The following NRIP3 variants were observed in gnomAD, a reference collection of about 807,000 sequenced individuals.
The protein encoded by NRIP3 is nuclear receptor-interacting protein 3.
Under a neutral mutation model 29.0 loss-of-function variants are expected in NRIP3, and 31 were observed. The observed-to-expected ratio is 1.07, with a 90% CI of 0.80 to 1.44. The LOEUF (loss-of-function observed/expected upper bound fraction) is 1.44. NRIP3 is among the 40% of genes most tolerant of loss of function. The probability of loss-of-function intolerance (pLI) is 0.00; values close to 1 mark genes in which losing one functional copy is unlikely to be tolerated. For synonymous variants in NRIP3, 131 were observed against 118.3 expected (o/e 1.11, Z -0.70); for missense variants, 314 against 297.9 (o/e 1.05, Z -0.40).
chr11:8,987,787 G>C (rs1854541002), intron 2 of NRIP3, among the ~76,000 whole-genome samples, 157 bp from the exon 3 acceptor site: 1 of 152,164 alleles, frequency 6.6e-6, no homozygotes, highest in Non-Finnish European at 1.5e-5. Context: ...TGCTAAGTCT[G>C]CCTTTGACTG....
rs1854498816 is a variant in NRIP3 at position 8,985,263 on chromosome 11, A to G, written c.562+448T>C. On this transcript the variant is annotated intron_variant, in intron 4 of 6. Coordinates refer to ENST00000309166, the MANE Select transcript of NRIP3 (RefSeq NM_020645.3). Reference sequence around the variant, plus strand: ...CAGCTCACTGCAAGCTCCGCCTCCCAGGTTCACGCCATTCTCCTGCCTTAG... The same window carrying G: ...CAGCTCACTGCAAGCTCCGCCTCCCGGGTTCACGCCATTCTCCTGCCTTAG... Among the ~76,000 whole-genome samples, 3 of 141,640 alleles carry G rather than the reference A, an allele frequency of 2.1e-5. No homozygotes were observed. In the Admixed American group the frequency reaches 2.3e-4, roughly 11 times the overall value. 92.9% of individuals were successfully genotyped at this position (141,640 alleles called of 152,430 possible).
chr11:8,983,211 G>A lies in NRIP3; in HGVS notation c.*334C>T. The stretch of plus-strand genomic sequence containing the variant: ...GAAAAGAAGCACATATATCTATGGA[G>A]ACACAGAACCTGGCAGCCCCTATAC... On this transcript the variant is annotated 3_prime_UTR_variant, in exon 7 of 7. Coordinates refer to ENST00000309166, the MANE Select transcript of NRIP3 (RefSeq NM_020645.3). The A allele has an allele frequency of 2.2e-6, 1 of 447,388 alleles. No homozygotes were observed. The highest frequency in any genetic ancestry group is 4.0e-6 in the Non-Finnish European group (1 of 247,214). The allele number at this position is 447,388 out of a possible 1,614,324, so 27.7% of individuals were successfully genotyped here. A position where few individuals can be genotyped will look rare whatever the true frequency, so the allele number is the denominator to read the frequency against.
rs143061095 is a variant in NRIP3 at position 8,984,272 on chromosome 11, T to G, written c.563-148A>C. 1.0e-4 allele frequency: 54 copies of G among 517,020 alleles called. 1 individual carries two copies. The African/African-American group carries it at 1.1e-3, about 10-fold the overall frequency. 32.0% of individuals were successfully genotyped at this position (517,020 alleles called of 1,614,324 possible). Reference sequence around the variant, plus strand: ...TGTTATTTTTTTTTTATTTTTTTTTTATTTTTTGAGATGGAGTTTCGCTCT... The same window carrying G: ...TGTTATTTTTTTTTTATTTTTTTTTGATTTTTTGAGATGGAGTTTCGCTCT... On this transcript the variant is annotated intron_variant, in intron 4 of 6. Transcript: ENST00000309166.
In NRIP3 at chr11:8,983,345, A is replaced by G. The variant is rs981986618; in HGVS notation, c.*200T>C. 6.6e-5 allele frequency: 39 copies of G among 593,850 alleles called. No individual in the cohort carries two copies. The African/African-American group carries it at 6.8e-4, about 10-fold the overall frequency. 36.8% of individuals were successfully genotyped at this position (593,850 alleles called of 1,614,324 possible). A position where few individuals can be genotyped will look rare whatever the true frequency, so the allele number is the denominator to read the frequency against. On this transcript the variant is annotated 3_prime_UTR_variant, in exon 7 of 7. Transcript: ENST00000309166. The stretch of plus-strand genomic sequence containing the variant: ...TAAGTGATCAAAGTAGTAAAAAACA[A>G]TGGCCATAACCAGACAAGATCTCTA...
chr11:8,987,122 C>T (rs1031345547), intron 3 of NRIP3, among the ~76,000 whole-genome samples: 1 of 152,190 alleles, frequency 6.6e-6, no homozygotes, highest in African/African-American at 2.4e-5. Flanking sequence ...TCTTGGGGAC[C>T]TGCAATGCAT....
Position 8,983,940 on chromosome 11 carries a change from C to G in NRIP3, c.645G>C (p.Leu215=). The change falls in exon 6 of 7, where the codon CTG becomes CTC. Residue 215 remains leucine, a synonymous_variant. Coordinates refer to ENST00000309166, the MANE Select transcript of NRIP3 (RefSeq NM_020645.3). The part of the protein sequence containing the change: ...KCIINLDKHR[L]IMGKTDKEEI... ...CTTCCTTGTCTGTCTTCCCCATGAT[C>G]AGCCGGTGCTTATCCAAGTTTATGA... 6.2e-7 allele frequency: 1 copy of G among 1,614,220 alleles called. No homozygotes were observed. The highest frequency in any genetic ancestry group is 8.5e-7 in the Non-Finnish European group (1 of 1,180,036).
intron 1 of NRIP3, among the ~76,000 whole-genome samples, chr11:8,991,619 T>C (rs1334733708): frequency 6.6e-6 from 1 of 152,216 alleles, no homozygotes; most frequent in Non-Finnish European, 1.5e-5. Context: ...GGAATCTGAA[T>C]AGCAGGCAGA....
rs986865994 is a variant in NRIP3, at chr11:8,992,636, C to T, written c.175-4354G>A. ...ATGCCTTCAAAAATCTGGGGCCGGG[C>T]GCAGTGGCTCACGTCTGTAATCCCA... is the stretch of plus-strand genomic sequence containing the variant. On this transcript the variant is annotated intron_variant, in intron 1 of 6. Coordinates refer to ENST00000309166, the MANE Select transcript of NRIP3 (RefSeq NM_020645.3). 4.6e-5 allele frequency among the ~76,000 whole-genome samples: 7 copies of T among 152,114 alleles called. No homozygotes were observed. In the East Asian group the frequency reaches 7.7e-4, roughly 17 times the overall value.
chr11:8,994,171 G>A (rs1424404935), intron 1 of NRIP3, among the ~76,000 whole-genome samples: 1 of 152,148 alleles, frequency 6.6e-6, no homozygotes, highest in Non-Finnish European at 1.5e-5. Context: ...GGTCACAGAT[G>A]AATACCCCAG....
At chr11:8,999,542 G>T (rs555536796) in intron 1 of NRIP3, among the ~76,000 whole-genome samples, 12 of 152,140 alleles carry the variant, frequency 7.9e-5, no homozygotes, top group African/African-American at 2.7e-4. Flanking sequence ...AAATGCATAG[G>T]TATGCGCTGA....
At chr11:8,989,909 T>G (rs950214203) in intron 1 of NRIP3, among the ~76,000 whole-genome samples, 2 of 152,210 alleles carry the variant, frequency 1.3e-5, no homozygotes, top group Non-Finnish European at 2.9e-5. Flanking sequence ...GGAAGGAGTT[T>G]CAAAGACCAC....
intron 1 of NRIP3, among the ~76,000 whole-genome samples, chr11:9,002,189 TTCTTC>T (rs1854815414): frequency 6.6e-6 from 1 of 152,236 alleles, no homozygotes; most frequent in African/African-American, 2.4e-5. Context: ...TGTATTTTAA[TTCTTC>T]TCTTAATATA....
chr11:8,988,081 C>A (rs370151242), intron 2 of NRIP3, 37 bp downstream of exon 2: 2 of 1,606,646 alleles, frequency 1.2e-6, no homozygotes, highest in South Asian at 2.2e-5. Context: ...ATCCTACTTT[C>A]CAGAAAACCC....
intron 6 of NRIP3, 21 bp from the exon 7 acceptor site, chr11:8,983,581 C>G (rs1854457788): frequency 6.2e-7 from 1 of 1,612,046 alleles, no homozygotes; most frequent in African/African-American, 1.3e-5. Context: ...AAATAAATAT[C>G]AGGAGAAATA....
At chr11:8,998,371 G>A (rs1325770286) in intron 1 of NRIP3, among the ~76,000 whole-genome samples, 1 of 152,142 alleles carries the variant, frequency 6.6e-6, no homozygotes, top group African/African-American at 2.4e-5. Flanking sequence ...TATCTGTTTT[G>A]TGGATTAGTC....
chr11:9,003,767 C>A lies in NRIP3; in HGVS notation c.169G>T (p.Asp57Tyr). The A allele has an allele frequency of 1.4e-6, 2 of 1,457,916 alleles. No homozygotes were observed. Among genetic ancestry groups the A allele is most frequent in the South Asian group, 1.3e-5 (1 of 75,000 alleles). The allele number at this position is 1,457,916 out of a possible 1,614,324, so 90.3% of individuals were successfully genotyped here. A position where few individuals can be genotyped will look rare whatever the true frequency, so the allele number is the denominator to read the frequency against. ...DGLKKLGSSK[D>Y]MQPHNILQRR... is the part of the protein sequence containing the mutation. ...GAACGGCGGCGGGGGCTCACCATGT[C>A]CTTGGACGAGCCCAGCTTCTTGAGG... The change falls in exon 1 of 7, where the codon GAC (aspartate) becomes TAC (tyrosine). Residue 57 changes from aspartate (D) to tyrosine (Y), a missense_variant. Transcript: ENST00000309166.
intron 1 of NRIP3, among the ~76,000 whole-genome samples, chr11:8,994,811 G>A (rs1438411467): frequency 5.9e-5 from 9 of 151,990 alleles, no homozygotes; most frequent in Non-Finnish European, 1.0e-4. Flanking sequence ...GTTCCTCATC[G>A]CTCTATCTTT....
intron 1 of NRIP3, among the ~76,000 whole-genome samples, chr11:8,989,933 T>A (rs1854572160): frequency 6.6e-6 from 1 of 152,198 alleles, no homozygotes; most frequent in African/African-American, 2.4e-5. Context: ...AACAAAGCCC[T>A]CTTACCTAAA....
rs1566133822 is a variant in NRIP3, at chr11:8,982,202, A to G, written c.*1343T>C. On this transcript the variant is annotated 3_prime_UTR_variant, in exon 7 of 7. Transcript: ENST00000309166. ...GCCTAATGTGACACCCCAGTCAAAAAGCTTCAAGAAACCTTGTATTCTCCC... is the reference window on the plus strand; with the variant it reads ...GCCTAATGTGACACCCCAGTCAAAAGGCTTCAAGAAACCTTGTATTCTCCC... The G allele has an allele frequency of 6.6e-6, 1 of 152,246 alleles. No homozygotes were observed. The highest frequency in any genetic ancestry group is 1.5e-5 in the Non-Finnish European group (1 of 68,044). 9.4% of individuals were successfully genotyped at this position (152,246 alleles called of 1,614,324 possible). A position where few individuals can be genotyped will look rare whatever the true frequency, so the allele number is the denominator to read the frequency against.
Sources: allele counts gnomAD v4.1 joint callset (sites outside exome capture counted in the v4.1 genomes callset), GRCh38; gene constraint gnomAD v4.1.1; transcripts MANE v1.5; gene names NCBI Gene and HGNC (gene_info 2026-07-23, HGNC 2026-07-21).